The following NFATC1 variants were observed in gnomAD, a reference collection of about 807,000 sequenced individuals.
NFATC1 encodes the protein nuclear factor of activated T-cells, cytoplasmic 1.
Under a neutral mutation model 76.0 loss-of-function variants are expected in NFATC1, and 22 were observed. The ratio of observed to expected loss-of-function variants is 0.29; its 90% confidence interval spans 0.21 to 0.41. The LOEUF is 0.41. Among genes scored for constraint, NFATC1 ranks in the 10% least tolerant of loss-of-function variants. The pLI is 1.00. For missense variants in NFATC1, 1,357 were observed against 1,337.7 expected, an observed-to-expected ratio of 1.01 and a Z score of -0.23; for synonymous variants, 704 against 613.1, an observed-to-expected ratio of 1.15 and a Z score of -2.19.
intron 4 of NFATC1, 106 bp from the exon 5 acceptor site, chr18:79,450,848 A>C: frequency 1.1e-5 from 15 of 1,377,416 alleles, no homozygotes; most frequent in African/African-American, 1.4e-5. Context: ...GCTGCCTGGC[A>C]CGAGCTCGTG....
intron 6 of NFATC1, among the ~76,000 whole-genome samples, chr18:79,458,547 CG>C (rs1292256606): frequency 6.6e-6 from 1 of 152,204 alleles, no homozygotes; most frequent in African/African-American, 2.4e-5. Flanking sequence ...GGAAACCTCG[CG>C]GGTGTGGCAG....
At chr18:79,464,678 A>G (rs56807672) in intron 7 of NFATC1, among the ~76,000 whole-genome samples, 1,117 of 75,446 alleles carry the variant, frequency 0.015, 35 homozygotes, top group African/African-American at 0.021. Context: ...GTGTATATGT[A>G]TGTGTATATA....
chr18:79,474,084 GCTCA>G (rs146556416), intron 8 of NFATC1, among the ~76,000 whole-genome samples: 1 of 135,676 alleles, frequency 7.4e-6, no homozygotes, highest in African/African-American at 2.9e-5. Context: ...GTGTTCTCAC[GCTCA>G]CTGTCGACGT....
intron 8 of NFATC1, among the ~76,000 whole-genome samples, chr18:79,471,301 C>T (rs965683588): frequency 2.0e-5 from 3 of 152,094 alleles, no homozygotes; most frequent in East Asian, 1.9e-4. Context: ...AGAAAGGCGG[C>T]GTCCGCGTGG....
At chr18:79,504,157 T>C (rs572400399) in intron 9 of NFATC1, among the ~76,000 whole-genome samples, 117 of 151,258 alleles carry the variant, frequency 7.7e-4, no homozygotes, top group African/African-American at 2.7e-3. Flanking sequence ...TTCACTTCTG[T>C]CTGTCTAGAG....
intron 8 of NFATC1, among the ~76,000 whole-genome samples, chr18:79,477,140 C>G (rs1418544912): frequency 6.6e-6 from 1 of 152,178 alleles, no homozygotes; most frequent in Non-Finnish European, 1.5e-5. Flanking sequence ...GCAGCTTCAT[C>G]CGCTGTTTTC....
intron 1 of NFATC1, among the ~76,000 whole-genome samples, chr18:79,396,655 G>A (rs1025762907): frequency 7.9e-5 from 12 of 152,320 alleles, no homozygotes; most frequent in Admixed American, 2.6e-4. Context: ...ATTTGGGGAC[G>A]GGCGAGGCTG....
intron 3 of NFATC1, among the ~76,000 whole-genome samples, chr18:79,443,989 C>G (rs947375938): frequency 6.6e-6 from 1 of 152,196 alleles, no homozygotes; most frequent in Non-Finnish European, 1.5e-5. Flanking sequence ...CCTGCAAGGC[C>G]GAGATCTGTT....
intron 7 of NFATC1, among the ~76,000 whole-genome samples, chr18:79,464,205 T>C (rs2088306705): frequency 1.3e-5 from 2 of 152,174 alleles, no homozygotes; most frequent in Non-Finnish European, 2.9e-5. Flanking sequence ...TTCTCATGCC[T>C]CAGTCTCCCG....
chr18:79,437,413 T>G (rs1327259905), intron 3 of NFATC1, among the ~76,000 whole-genome samples: 1 of 151,490 alleles, frequency 6.6e-6, no homozygotes, highest in Non-Finnish European at 1.5e-5. Context: ...CACAGCCCCC[T>G]TGTCACCGGC....
chr18:79,450,083 C>T (rs965636426), intron 4 of NFATC1, among the ~76,000 whole-genome samples: 3 of 152,182 alleles, frequency 2.0e-5, no homozygotes, highest in African/African-American at 4.8e-5. Context: ...CTGGCGGCTG[C>T]GTTCACCCCA....
intron 3 of NFATC1, among the ~76,000 whole-genome samples, chr18:79,438,593 GC>G: frequency 6.6e-6 from 1 of 152,240 alleles, no homozygotes; most frequent in Non-Finnish European, 1.5e-5. Context: ...AGAAGCCTCG[GC>G]CCGTTCTGAA....
intron 4 of NFATC1, among the ~76,000 whole-genome samples, chr18:79,449,965 G>C (rs1389552457): frequency 6.6e-6 from 1 of 152,240 alleles, no homozygotes; most frequent in African/African-American, 2.4e-5. Flanking sequence ...ACGCACCTGG[G>C]AATTCATTCC....
intron 8 of NFATC1, among the ~76,000 whole-genome samples, chr18:79,476,092 C>T (rs1053695244): frequency 6.6e-6 from 1 of 152,186 alleles, no homozygotes; most frequent in Non-Finnish European, 1.5e-5. Flanking sequence ...GGGCCACGGG[C>T]CACCAAAAAC....
chr18:79,463,365 C>T (rs1206781525), intron 7 of NFATC1, among the ~76,000 whole-genome samples: 1 of 152,218 alleles, frequency 6.6e-6, no homozygotes, highest in African/African-American at 2.4e-5. Flanking sequence ...AGTCAGGGTG[C>T]TCAGAAGGGT....
intron 9 of NFATC1, among the ~76,000 whole-genome samples, chr18:79,520,568 C>CGT (rs199630539): frequency 2.2e-4 from 27 of 120,704 alleles, no homozygotes; most frequent in African/African-American, 8.3e-4. Flanking sequence ...AATGTGTGTC[C>CGT]GTGTGTGTGG....
At chr18:79,525,519 T>G (rs922350987) in intron 9 of NFATC1, among the ~76,000 whole-genome samples, 2 of 147,176 alleles carry the variant, frequency 1.4e-5, no homozygotes, top group African/African-American at 5.2e-5. Context: ...TCGTTACCCC[T>G]CAGTCCTCCC....
intron 2 of NFATC1, among the ~76,000 whole-genome samples, chr18:79,414,021 C>T (rs1385801697): frequency 6.6e-6 from 1 of 152,202 alleles, no homozygotes; most frequent in African/African-American, 2.4e-5. Flanking sequence ...TGCAGTTAAC[C>T]TTTTCCCACT....
At chr18:79,445,018 AG>A (rs1246216661) in intron 3 of NFATC1, among the ~76,000 whole-genome samples, 8 of 152,224 alleles carry the variant, frequency 5.3e-5, no homozygotes, top group Non-Finnish European at 1.2e-4. Context: ...GGCTGAGAAA[AG>A]GGGGAAGGAG....
Sources: gnomAD v4.1 joint callset for allele counts (sites outside exome capture counted in the v4.1 genomes callset) on GRCh38, gnomAD v4.1.1 for gene constraint, MANE v1.5 for transcripts, NCBI Gene and HGNC (gene_info 2026-07-23, HGNC 2026-07-21) for gene names.